Variants in UGP2 observed in about 807,000 individuals in gnomAD.
UGP2 encodes the protein UDP-glucose pyrophosphorylase 2, also known as UTP--glucose-1-phosphate uridylyltransferase.
In UGP2, 40 loss-of-function variants were observed where a neutral mutation model predicts 49.0. That is an observed-to-expected ratio of 0.82 (90% CI 0.63 to 1.06). The LOEUF is 1.06. Ranked by LOEUF, UGP2 falls within the 50% of genes least tolerant of loss-of-function variation. The pLI is 0.00. For missense variants in UGP2, 460 were observed against 603.5 expected (o/e 0.76, Z 2.49); for synonymous variants, 225 against 213.0 (o/e 1.06, Z -0.49).
At chr2:63,880,805 C>A (rs752743648) in intron 3 of UGP2, among the ~76,000 whole-genome samples, 5 of 151,894 alleles carry the variant, frequency 3.3e-5, no homozygotes, top group African/African-American at 4.8e-5. Context: ...CTGCAGCCAT[C>A]GGTGTGGTCT....
At chr2:63,860,936 A>T (rs1414135472) in intron 3 of UGP2, among the ~76,000 whole-genome samples, 12 of 151,838 alleles carry the variant, frequency 7.9e-5, no homozygotes, top group Admixed American at 7.9e-4. Flanking sequence ...GAAATTTTAT[A>T]TTGTGAGGTT....
chr2:63,874,909 A>G (rs1169117536), intron 3 of UGP2, among the ~76,000 whole-genome samples: 1 of 152,122 alleles, frequency 6.6e-6, no homozygotes, highest in Non-Finnish European at 1.5e-5. Flanking sequence ...GCAGATGCTG[A>G]CACCATGCTT....
intron 1 of UGP2, among the ~76,000 whole-genome samples, chr2:63,854,210 T>C (rs1669235373): frequency 6.6e-6 from 1 of 152,210 alleles, no homozygotes; most frequent in African/African-American, 2.4e-5. Flanking sequence ...GTCTGTAAAA[T>C]GATGAGAGTA....
intron 3 of UGP2, among the ~76,000 whole-genome samples, chr2:63,878,280 G>C (rs1040848334): frequency 4.6e-5 from 7 of 152,158 alleles, no homozygotes; most frequent in Non-Finnish European, 1.0e-4. Flanking sequence ...CACCCTCTTA[G>C]CTCATAGCCA....
intron 3 of UGP2, among the ~76,000 whole-genome samples, chr2:63,872,876 CG>C (rs1163980294): frequency 6.6e-6 from 1 of 151,648 alleles, no homozygotes; most frequent in East Asian, 1.9e-4. Flanking sequence ...ACATGCTGGA[CG>C]AGGTGTTGGT....
In UGP2 at chr2:63,885,610, A is replaced by G. The variant is rs774901295; in HGVS notation, c.597A>G (p.Glu199=). Residue 199 remains glutamate (E), a synonymous_variant, in exon 6 of 10, where the codon GAA becomes GAG. Transcript: ENST00000337130. Reference sequence around the variant, plus strand: ...AAAGGTACCCGAGGATTAATAAAGAATCTTTACTTCCTGTAGCAAAGGACG... The same window carrying G: ...AAAGGTACCCGAGGATTAATAAAGAGTCTTTACTTCCTGTAGCAAAGGACG... The part of the protein sequence containing the change: ...NQSRYPRINK[E]SLLPVAKDVS... The G allele has an allele frequency of 1.9e-6, 3 of 1,565,414 alleles. No individual in the cohort carries two copies. The highest frequency in any genetic ancestry group is 2.6e-6 in the Non-Finnish European group (3 of 1,162,690).
At chr2:63,859,820 A>G (rs959464426) in intron 3 of UGP2, among the ~76,000 whole-genome samples, 7 of 152,344 alleles carry the variant, frequency 4.6e-5, no homozygotes, top group Non-Finnish European at 1.0e-4. Context: ...TTGCAATCCC[A>G]TATGCCCTTA....
rs561999766 is a variant in UGP2 at position 63,870,563 on chromosome 2, A to C, written c.256-11903A>C. ...TGAATTAAAGTAGTGGGTGGTTGTA[A>C]TCTGGTTTCTAATCAGTGATCAAAC... On this transcript the variant is annotated intron_variant, in intron 3 of 9. Coordinates refer to ENST00000337130, the MANE Select transcript of UGP2 (RefSeq NM_006759.4). Among the ~76,000 whole-genome samples the C allele has an allele frequency of 1.2e-3, 184 of 152,360 alleles. 1 individual carries two copies. Among genetic ancestry groups the C allele is most frequent in the Non-Finnish European group, 2.1e-3 (140 of 68,034 alleles).
At chr2:63,859,560 G>A (rs566438961) in intron 3 of UGP2, among the ~76,000 whole-genome samples, 4 of 152,062 alleles carry the variant, frequency 2.6e-5, no homozygotes, top group South Asian at 2.1e-4. Flanking sequence ...GGATTTTTTC[G>A]GTTCAGTACT....
At chr2:63,847,681 TG>T (rs987113697) in intron 1 of UGP2, among the ~76,000 whole-genome samples, 32 of 152,126 alleles carry the variant, frequency 2.1e-4, no homozygotes, top group Admixed American at 5.9e-4. Context: ...GGTGCTCAGT[TG>T]GGGTGGTTTT....
intron 3 of UGP2, among the ~76,000 whole-genome samples, chr2:63,878,108 C>G (rs1305944207): frequency 2.0e-5 from 3 of 149,674 alleles, no homozygotes; most frequent in African/African-American, 7.4e-5. Context: ...GTAAGTCCTG[C>G]TATGTTGGTT....
chr2:63,853,835 G>A (rs1221235546), intron 1 of UGP2, among the ~76,000 whole-genome samples: 1 of 152,228 alleles, frequency 6.6e-6, no homozygotes, highest in South Asian at 2.1e-4. Flanking sequence ...TAGTTCCTAT[G>A]AACAGGAAGA....
chr2:63,844,983 G>A (rs754628105), intron 1 of UGP2, among the ~76,000 whole-genome samples: 8 of 152,160 alleles, frequency 5.3e-5, no homozygotes, highest in Non-Finnish European at 1.2e-4. Context: ...TTCCCATTGG[G>A]CAAAGATAAT....
chr2:63,891,507 C>T lies in UGP2; in HGVS notation c.*280C>T. The T allele has an allele frequency of 4.2e-6, 1 of 238,528 alleles. No homozygotes were observed. The allele number at this position is 238,528 out of a possible 1,614,324, so 14.8% of individuals were successfully genotyped here. The stretch of plus-strand genomic sequence containing the variant: ...TTGGAAGAACTTTTAACAGAAGCCT[C>T]AATGATGATCACTTTGAATTGCTTG... On this transcript the variant is annotated 3_prime_UTR_variant, in exon 10 of 10. Coordinates refer to ENST00000337130, the MANE Select transcript of UGP2 (RefSeq NM_006759.4).
At chr2:63,857,453 TC>T (rs1391324205) in intron 2 of UGP2, 2 of 359,214 alleles carry the variant, frequency 5.6e-6, no homozygotes, top group African/African-American at 4.3e-5. Context: ...AGCCTCAACT[TC>T]CTGGGCTCAA....
In UGP2 at chr2:63,858,157, A is replaced by T. The variant is rs116692374; in HGVS notation, c.255+221A>T. Among the ~76,000 whole-genome samples, 711 of 152,204 alleles carry T rather than the reference A, an allele frequency of 4.7e-3. 6 individuals are homozygous for T. The highest frequency in any genetic ancestry group is 0.017 in the African/African-American group (687 of 41,518). ...CTTGCTGAGGTCCTCTAACAGTCTG[A>T]TCTCCCTGTGGCAGTACCCAGTATC... On this transcript the variant is annotated intron_variant, in intron 3 of 9. Transcript: ENST00000337130.
chr2:63,874,656 A>G (rs971702200), intron 3 of UGP2, among the ~76,000 whole-genome samples: 2 of 152,136 alleles, frequency 1.3e-5, no homozygotes, highest in East Asian at 1.9e-4. Context: ...GGATTTAGCA[A>G]CTTAGCAGAG....
At chr2:63,877,135 G>GT (rs2104337798) in intron 3 of UGP2, among the ~76,000 whole-genome samples, 1 of 152,356 alleles carries the variant, frequency 6.6e-6, no homozygotes, top group Non-Finnish European at 1.5e-5. Flanking sequence ...AAGAACAATA[G>GT]TTCATCAGCA....
chr2:63,871,131 A>G (rs1293109251), intron 3 of UGP2, among the ~76,000 whole-genome samples: 1 of 152,168 alleles, frequency 6.6e-6, no homozygotes, highest in African/African-American at 2.4e-5. Flanking sequence ...TTATTTGGCA[A>G]CCAATCTTCA....
Sources: allele counts gnomAD v4.1 joint callset (sites outside exome capture counted in the v4.1 genomes callset), GRCh38; gene constraint gnomAD v4.1.1; transcripts MANE v1.5; gene names NCBI Gene and HGNC (gene_info 2026-07-23, HGNC 2026-07-21).